The following HECW1 variants were observed in gnomAD, a reference collection of about 807,000 sequenced individuals.
HECW1 encodes the protein E3 ubiquitin-protein ligase HECW1.
Under a neutral mutation model 182.3 loss-of-function variants are expected in HECW1, and 61 were observed. The ratio of observed to expected loss-of-function variants is 0.33; its 90% confidence interval spans 0.27 to 0.41. HECW1 has a LOEUF of 0.41. Ranked by LOEUF, HECW1 falls within the 10% of genes least tolerant of loss-of-function variation. The pLI is 1.00. For missense variants in HECW1, 1,739 were observed against 2,108.9 expected, an observed-to-expected ratio of 0.82 and a Z score of 3.44; for synonymous variants, 859 against 832.6, an observed-to-expected ratio of 1.03 and a Z score of -0.55.
chr7:43,217,261 T>C (rs186627818), intron 2 of HECW1, among the ~76,000 whole-genome samples: 1 of 152,364 alleles, frequency 6.6e-6, no homozygotes, highest in African/African-American at 2.4e-5. Context: ...AGGCACTTTA[T>C]GCTTGAGTTC....
At chr7:43,468,853 T>C (rs2152899105) in intron 15 of HECW1, 67 bp from the exon 16 acceptor site, 2 of 1,403,292 alleles carry the variant, frequency 1.4e-6, no homozygotes, top group South Asian at 2.5e-5. Context: ...AGGGTGCTCA[T>C]AGTGTGCTTG....
intron 3 of HECW1, among the ~76,000 whole-genome samples, chr7:43,244,243 C>G (rs76686144): frequency 6.6e-6 from 1 of 152,234 alleles, no homozygotes; most frequent in Admixed American, 6.5e-5. Flanking sequence ...TCCAGAATTA[C>G]AGCTGAGAGC....
intron 5 of HECW1, among the ~76,000 whole-genome samples, chr7:43,346,517 T>A (rs147871927): frequency 0.011 from 1,681 of 152,320 alleles, 20 homozygotes; most frequent in Middle Eastern, 0.034. Context: ...GGTATTTATC[T>A]TTGTTTTTAT....
chr7:43,371,303 T>C (rs1166835759), intron 6 of HECW1, among the ~76,000 whole-genome samples: 1 of 152,048 alleles, frequency 6.6e-6, no homozygotes. Context: ...GCACTTTGGG[T>C]AATAATGATG....
intron 17 of HECW1, among the ~76,000 whole-genome samples, chr7:43,488,264 C>T (rs1350102928): frequency 6.7e-6 from 1 of 148,892 alleles, no homozygotes; most frequent in Non-Finnish European, 1.5e-5. Flanking sequence ...GAGCCAAGAT[C>T]GCGCCACTGC....
At chr7:43,198,471 G>T (rs1400177338) in intron 2 of HECW1, among the ~76,000 whole-genome samples, 1 of 140,212 alleles carries the variant, frequency 7.1e-6, no homozygotes, top group Non-Finnish European at 1.5e-5. Context: ...ACCCACCATA[G>T]TCACACCCCA....
At chr7:43,169,700 T>G (rs1791485181) in intron 2 of HECW1, among the ~76,000 whole-genome samples, 1 of 148,548 alleles carries the variant, frequency 6.7e-6, no homozygotes, top group Admixed American at 6.7e-5. Flanking sequence ...CTTTTTTTTT[T>G]TTTTTTTTGA....
At chr7:43,508,930 G>C (rs772080383) in intron 23 of HECW1, 39 bp from the exon 24 acceptor site, 3 of 1,605,816 alleles carry the variant, frequency 1.9e-6, no homozygotes, top group African/African-American at 1.3e-5. Flanking sequence ...CCACCTCCGG[G>C]CACAGAATGA....
At chr7:43,496,927 T>A (rs779886843) in intron 19 of HECW1, among the ~76,000 whole-genome samples, 11 of 152,198 alleles carry the variant, frequency 7.2e-5, no homozygotes, top group Non-Finnish European at 1.5e-4. Flanking sequence ...CAGGGCTATG[T>A]ATGCAGTAGC....
chr7:43,172,139 A>ATTT (rs1791756646), intron 2 of HECW1, among the ~76,000 whole-genome samples: 1 of 146,898 alleles, frequency 6.8e-6, no homozygotes, highest in Non-Finnish European at 1.5e-5. Flanking sequence ...AAAAAAAATT[A>ATTT]GCCAGGCACA....
At chr7:43,406,849 G>C (rs1299356030) in intron 7 of HECW1, among the ~76,000 whole-genome samples, 1 of 152,082 alleles carries the variant, frequency 6.6e-6, no homozygotes, top group African/African-American at 2.4e-5. Context: ...AACCCAGGAG[G>C]CAGAGTTTGC....
intron 3 of HECW1, among the ~76,000 whole-genome samples, chr7:43,310,966 T>C (rs1304123694): frequency 6.6e-6 from 1 of 152,228 alleles, no homozygotes; most frequent in Non-Finnish European, 1.5e-5. Context: ...TGAGTTCTAT[T>C]TGCTGCCTGT....
intron 2 of HECW1, chr7:43,238,956 A>G (rs1798627952): frequency 6.6e-6 from 1 of 152,264 alleles, no homozygotes; most frequent in Non-Finnish European, 1.5e-5. Flanking sequence ...ATAATGTTAT[A>G]TAACAGTAAA....
chr7:43,550,979 A>G (rs2081801315), intron 27 of HECW1, among the ~76,000 whole-genome samples: 1 of 152,232 alleles, frequency 6.6e-6, no homozygotes, highest in African/African-American at 2.4e-5. Flanking sequence ...CACTGTCACT[A>G]GAATTTTATT....
At chr7:43,253,604 G>C (rs2152727759) in intron 3 of HECW1, among the ~76,000 whole-genome samples, 1 of 152,254 alleles carries the variant, frequency 6.6e-6, no homozygotes, top group Admixed American at 6.5e-5. Context: ...AGTTTTCCAA[G>C]AGCTTTAAAT....
intron 3 of HECW1, among the ~76,000 whole-genome samples, chr7:43,286,288 C>G (rs1165187836): frequency 6.6e-6 from 1 of 152,192 alleles, no homozygotes; most frequent in Admixed American, 6.5e-5. Context: ...ACATGAAGCA[C>G]AGAGCATGCA....
chr7:43,400,403 T>G (rs1027335070), intron 7 of HECW1, among the ~76,000 whole-genome samples: 2 of 152,242 alleles, frequency 1.3e-5, no homozygotes, highest in East Asian at 3.9e-4. Flanking sequence ...CCAAACTCAC[T>G]AAAGATGGAC....
chr7:43,340,193 A>G (rs1446340949), intron 5 of HECW1, among the ~76,000 whole-genome samples: 1 of 151,216 alleles, frequency 6.6e-6, no homozygotes, highest in Non-Finnish European at 1.5e-5. Context: ...ATCCTAGCAG[A>G]AAGAAGAAGT....
intron 13 of HECW1, 132 bp from the exon 14 acceptor site, chr7:43,463,528 G>A (rs560961193): frequency 7.7e-6 from 6 of 780,806 alleles, no homozygotes; most frequent in Admixed American, 2.8e-5. Flanking sequence ...CTATCTTGTG[G>A]GAATTTTAAG....
Sources: gnomAD v4.1 joint callset for allele counts (sites outside exome capture counted in the v4.1 genomes callset) on GRCh38, gnomAD v4.1.1 for gene constraint, MANE v1.5 for transcripts, NCBI Gene and HGNC (gene_info 2026-07-23, HGNC 2026-07-21) for gene names.